The following BCAS3 variants were observed in gnomAD, a reference collection of about 807,000 sequenced individuals.
The protein encoded by BCAS3 is BCAS4/BCAS3 fusion.
In BCAS3, 53 loss-of-function variants were observed where a neutral mutation model predicts 116.1. That is an observed-to-expected ratio of 0.46 (90% CI 0.37 to 0.57). The LOEUF (loss-of-function observed/expected upper bound fraction) is 0.57, where lower values mean the gene tolerates loss of function less well. Ranked by LOEUF, BCAS3 falls within the 20% of genes least tolerant of loss-of-function variation. BCAS3 has a pLI of 0.00. For missense variants in BCAS3, 917 were observed against 1,165.4 expected, an observed-to-expected ratio of 0.79 and a Z score of 3.10; for synonymous variants, 391 against 408.2, an observed-to-expected ratio of 0.96 and a Z score of 0.51.
At chr17:61,024,261 G>A (rs2066072377) in intron 16 of BCAS3, among the ~76,000 whole-genome samples, 3 of 152,142 alleles carry the variant, frequency 2.0e-5, no homozygotes, top group Non-Finnish European at 1.5e-5. Context: ...TGGAGTTTGT[G>A]GATCTTCTTT....
intron 7 of BCAS3, among the ~76,000 whole-genome samples, chr17:60,846,023 G>C (rs905115600): frequency 5.9e-5 from 9 of 151,860 alleles, no homozygotes; most frequent in African/African-American, 2.2e-4. Context: ...CAACCTTCCA[G>C]GCTCAAGCAA....
At chr17:60,889,178 A>G (rs1259240615) in intron 9 of BCAS3, among the ~76,000 whole-genome samples, 3 of 152,208 alleles carry the variant, frequency 2.0e-5, no homozygotes, top group Non-Finnish European at 4.4e-5. Flanking sequence ...GCAGTTCCCT[A>G]ACATCTTTCT....
chr17:60,982,610 A>G (rs1050476342), intron 14 of BCAS3, among the ~76,000 whole-genome samples: 11 of 152,368 alleles, frequency 7.2e-5, no homozygotes, highest in African/African-American at 2.6e-4. Context: ...TGGAGAATCT[A>G]ATAACACTAA....
chr17:61,268,038 A>G (rs923947117), intron 22 of BCAS3, among the ~76,000 whole-genome samples: 2 of 152,164 alleles, frequency 1.3e-5, no homozygotes, highest in African/African-American at 2.4e-5. Context: ...ACTCACTTGT[A>G]GATGTCACTC....
chr17:60,966,373 A>T (rs1479615502), intron 14 of BCAS3, among the ~76,000 whole-genome samples: 1 of 152,140 alleles, frequency 6.6e-6, no homozygotes, highest in Non-Finnish European at 1.5e-5. Context: ...TTCTTTTGCT[A>T]GTTTTCTGGT....
intron 22 of BCAS3, among the ~76,000 whole-genome samples, chr17:61,100,609 T>G (rs1478930140): frequency 6.6e-6 from 1 of 152,164 alleles, no homozygotes; most frequent in Non-Finnish European, 1.5e-5. Context: ...ATCTTTGTAC[T>G]CCCCGTAGCT....
rs572585960 is a variant in BCAS3, at chr17:60,854,671, C to T, written c.477-13905C>T. 9.9e-5 allele frequency among the ~76,000 whole-genome samples: 15 copies of T among 152,188 alleles called. No individual in the cohort carries two copies. The South Asian group carries it at 2.5e-3, about 25-fold the overall frequency. The stretch of plus-strand genomic sequence containing the variant: ...TACTATCTCACACCAGTTAGAATGG[C>T]GATCATTAAAAAGTCAGGAAACAAC... On this transcript the variant is annotated intron_variant, in intron 7 of 23. Coordinates refer to ENST00000407086, the MANE Select transcript of BCAS3 (RefSeq NM_017679.5).
chr17:60,977,158 C>A (rs576793594), intron 14 of BCAS3, among the ~76,000 whole-genome samples: 7 of 152,202 alleles, frequency 4.6e-5, no homozygotes, highest in East Asian at 1.9e-4. Context: ...GGCTGCCCCC[C>A]ACGAAACAAT....
chr17:61,237,154 G>A (rs1004521044), intron 22 of BCAS3, among the ~76,000 whole-genome samples: 11 of 152,188 alleles, frequency 7.2e-5, no homozygotes, highest in Non-Finnish European at 1.2e-4. Context: ...GAACTTTTCT[G>A]TCTTACAAGA....
intron 9 of BCAS3, among the ~76,000 whole-genome samples, chr17:60,887,681 CT>C (rs1056715672): frequency 3.5e-4 from 53 of 152,054 alleles, no homozygotes; most frequent in African/African-American, 1.2e-3. Context: ...TAACTGTTTT[CT>C]TTAAAAAAAG....
At chr17:60,894,615 T>A (rs1474457223) in intron 10 of BCAS3, among the ~76,000 whole-genome samples, 2 of 152,194 alleles carry the variant, frequency 1.3e-5, no homozygotes, top group Non-Finnish European at 2.9e-5. Flanking sequence ...CGAATACGAG[T>A]GGTGAAGTTG....
intron 7 of BCAS3, chr17:60,811,328 G>A: frequency 4.3e-6 from 3 of 700,434 alleles, no homozygotes; most frequent in Non-Finnish European, 7.5e-6. Flanking sequence ...GCTGGAAGAT[G>A]GTGAGGACTT....
In BCAS3 at chr17:61,259,959, G is replaced by A. The variant is rs527503197; in HGVS notation, c.2426-108368G>A. 5.3e-5 allele frequency among the ~76,000 whole-genome samples: 8 copies of A among 152,188 alleles called. No homozygotes were observed. The highest frequency in any genetic ancestry group is 7.3e-5 in the Non-Finnish European group (5 of 68,044). On this transcript the variant is annotated intron_variant, in intron 22 of 23. Transcript: ENST00000407086. This position sits in a 1 kb window ranked among gnomAD's most constrained non-coding sequence, Gnocchi z 4.7. ...TATTGAATTGCTGTGTGAGGTAGGCGTTGTACAGGCTGCCTAACATAGTTT... is the reference window on the plus strand; with the variant it reads ...TATTGAATTGCTGTGTGAGGTAGGCATTGTACAGGCTGCCTAACATAGTTT...
intron 2 of BCAS3, among the ~76,000 whole-genome samples, chr17:60,683,366 T>C (rs1005261563): frequency 1.3e-5 from 2 of 152,146 alleles, no homozygotes; most frequent in Non-Finnish European, 2.9e-5. Flanking sequence ...AAGCTATCTC[T>C]ATCAAATTAG....
At position 61,249,099 on chromosome 17, in the gene BCAS3, A is replaced by T. The variant is rs1277859774; in HGVS notation, c.2426-119228A>T. Among the ~76,000 whole-genome samples, 1 of 152,142 alleles carries T rather than the reference A, an allele frequency of 6.6e-6. No individual in the cohort carries two copies. Among genetic ancestry groups the T allele is most frequent in the South Asian group, 2.1e-4 (1 of 4,816 alleles). On this transcript the variant is annotated intron_variant, in intron 22 of 23. Coordinates refer to ENST00000407086, the MANE Select transcript of BCAS3 (RefSeq NM_017679.5). The surrounding 1 kb of genome is among the most constrained non-coding windows in gnomAD (Gnocchi z 6.2). ...TGAGGAGTTTGAGACCAGCCTGGCC[A>T]ACATGGTGAAACCCCATCTCTACTA... is the stretch of plus-strand genomic sequence containing the variant.
chr17:60,966,148 T>C (rs1367952455), intron 14 of BCAS3, among the ~76,000 whole-genome samples: 4 of 152,266 alleles, frequency 2.6e-5, no homozygotes, highest in Non-Finnish European at 4.4e-5. Context: ...TAGCTATTCC[T>C]GCTCTGTTTT....
chr17:60,822,390 C>T (rs2050040294), intron 7 of BCAS3, among the ~76,000 whole-genome samples: 1 of 152,098 alleles, frequency 6.6e-6, no homozygotes, highest in Admixed American at 6.6e-5. Context: ...TCATTCATAT[C>T]TCCCTGTTAT....
At chr17:60,854,072 C>G (rs2053436128) in intron 7 of BCAS3, among the ~76,000 whole-genome samples, 1 of 152,028 alleles carries the variant, frequency 6.6e-6, no homozygotes, top group East Asian at 1.9e-4. Flanking sequence ...CACGACAGGC[C>G]CCGGTGTGTG....
rs190496987 is a variant in BCAS3 at position 60,808,500 on chromosome 17, A to G, written c.476+424A>G. The stretch of plus-strand genomic sequence containing the variant: ...CAGTAAATAGTGTGCACTTCAGATC[A>G]TGTGGCATTGGAGAAAGGAAGAACA... On this transcript the variant is annotated intron_variant, in intron 7 of 23. Transcript: ENST00000407086. Among the ~76,000 whole-genome samples, 273 of 152,338 alleles carry G rather than the reference A, an allele frequency of 1.8e-3. 4 individuals are homozygous for G. The highest frequency in any genetic ancestry group is 6.3e-3 in the African/African-American group (261 of 41,584).
Sources: allele counts gnomAD v4.1 joint callset (sites outside exome capture counted in the v4.1 genomes callset), GRCh38; gene constraint gnomAD v4.1.1; non-coding constraint Gnocchi (gnomAD v3.1); transcripts MANE v1.5; gene names NCBI Gene and HGNC (gene_info 2026-07-23, HGNC 2026-07-21).